Variants in TBCD observed in about 807,000 individuals in gnomAD.
TBCD encodes the protein tubulin folding cofactor D.
In TBCD, 105 loss-of-function variants were observed where a neutral mutation model predicts 169.3. The ratio of observed to expected loss-of-function variants is 0.62; its 90% CI spans 0.53 to 0.73. The LOEUF (loss-of-function observed/expected upper bound fraction) is 0.73. Among genes scored for constraint, TBCD ranks in the 30% least tolerant of loss-of-function variants. The probability of loss-of-function intolerance (pLI) is 0.00; values close to 1 mark genes in which losing one functional copy is unlikely to be tolerated. For missense variants in TBCD, 1,444 were observed against 1,600.1 expected (o/e 0.90, Z 1.66); for synonymous variants, 700 against 643.9 (o/e 1.09, Z -1.32).
rs12600995 is a variant in TBCD at position 82,922,761 on chromosome 17, C to T, written c.2179-891C>T. Among the ~76,000 whole-genome samples, 269 of 152,310 alleles carry T rather than the reference C, an allele frequency of 1.8e-3. No individual in the cohort carries two copies. The East Asian group carries it at 0.034, about 19-fold the overall frequency. The stretch of plus-strand genomic sequence containing the variant: ...TGCTCATGGCCCCCACCTGCCCCGC[C>T]CCCAGTGCCTCTCCAAGGCTGCTCT... On this transcript the variant is annotated intron_variant, in intron 25 of 38. Coordinates refer to ENST00000355528, the MANE Select transcript of TBCD (RefSeq NM_005993.5). The surrounding 1 kb of genome is among the most constrained non-coding windows in gnomAD (Gnocchi z 4.1).
At chr17:82,902,469 A>G (rs1233211720) in intron 18 of TBCD, among the ~76,000 whole-genome samples, 1 of 152,190 alleles carries the variant, frequency 6.6e-6, no homozygotes, top group African/African-American at 2.4e-5. Flanking sequence ...GTTGCAGGCG[A>G]TGGTCTTCTA....
chr17:82,869,441 G>T (rs1305997859), intron 13 of TBCD, among the ~76,000 whole-genome samples: 1 of 152,138 alleles, frequency 6.6e-6, no homozygotes, highest in Non-Finnish European at 1.5e-5. Context: ...GATCGCTTGA[G>T]CCTGGGAGGT....
chr17:82,914,326 C>T lies in TBCD; in HGVS notation c.2038+2537C>T, dbSNP rs112205413. On this transcript the variant is annotated intron_variant, in intron 23 of 38. Coordinates refer to ENST00000355528, the MANE Select transcript of TBCD (RefSeq NM_005993.5). ...TGTCTGCCTCTCTCTACCCCCAACTCCAGCTTTCCCACCCTGCCCTCTGCT... is the reference window on the plus strand; with the variant it reads ...TGTCTGCCTCTCTCTACCCCCAACTTCAGCTTTCCCACCCTGCCCTCTGCT... Among the ~76,000 whole-genome samples the T allele has an allele frequency of 6.9e-3, 1,044 of 152,276 alleles. 19 individuals are homozygous for T. The highest frequency in any genetic ancestry group is 0.023 in the African/African-American group (969 of 41,568).
chr17:82,925,057 G>T lies in TBCD; in HGVS notation c.2379G>T (p.Gln793His). Reference protein sequence around the residue: ...PGFLLKGRLQQVLTGLRAVTH... With the variant: ...PGFLLKGRLQHVLTGLRAVTH... ...TCCTTCTGAAAGGCCGGCTCCAGCA[G>T]GTGAGGCTGGCCACGCGCAGTGGAC... is the stretch of plus-strand genomic sequence containing the variant. The change falls in exon 27 of 39, where the codon CAG becomes CAT. Residue 793 changes from glutamine (Q) to histidine (H), a missense_variant and splice_region_variant. Transcript: ENST00000355528. 1 of 1,552,652 alleles carries T rather than the reference G, an allele frequency of 6.4e-7. No homozygotes were observed.
intron 37 of TBCD, among the ~76,000 whole-genome samples, chr17:82,940,245 A>AAACACACT (rs1491195477): frequency 6.6e-6 from 1 of 150,878 alleles, no homozygotes; most frequent in Non-Finnish European, 1.5e-5. Flanking sequence ...ACACACACAC[A>AAACACACT]CTTCTAAAAG....
intron 2 of TBCD, among the ~76,000 whole-genome samples, chr17:82,763,736 G>T (rs527954942): frequency 2.0e-5 from 3 of 151,742 alleles, no homozygotes; most frequent in Non-Finnish European, 4.4e-5. Flanking sequence ...GCAAGACTCT[G>T]TCTCAAAAAA....
At chr17:82,761,759 A>C (rs529975107) in intron 2 of TBCD, among the ~76,000 whole-genome samples, 1 of 149,702 alleles carries the variant, frequency 6.7e-6, no homozygotes, top group Admixed American at 6.7e-5. Flanking sequence ...TCTGTTGCCC[A>C]GGCTGGAGTG....
rs1285078519 is a variant in TBCD at position 82,903,482 on chromosome 17, G to C, written c.1804+4G>C. The C allele has an allele frequency of 5.7e-6, 9 of 1,591,096 alleles. No homozygotes were observed. Among genetic ancestry groups the C allele is most frequent in the Non-Finnish European group, 7.7e-6 (9 of 1,168,910 alleles). The stretch of plus-strand genomic sequence containing the variant: ...CCCGAGTTCAGCGCCACGCAAGGTG[G>C]GTGTGTGTCCCGGCCGGCCTGCGGG... On this transcript the variant is annotated splice_donor_region_variant and intron_variant, in intron 19 of 38. Coordinates refer to ENST00000355528, the MANE Select transcript of TBCD (RefSeq NM_005993.5). This position sits in a 1 kb window ranked among gnomAD's most constrained non-coding sequence, Gnocchi z 4.8.
intron 13 of TBCD, among the ~76,000 whole-genome samples, chr17:82,865,686 T>C (rs546116183): frequency 3.3e-5 from 5 of 152,266 alleles, no homozygotes; most frequent in Admixed American, 2.6e-4. Context: ...TTTTTAAAAT[T>C]AGTAAAACCT....
Position 82,832,999 on chromosome 17 carries a change from C to CG in TBCD, c.1318+18070dup, listed in dbSNP as rs1247121557. Among the ~76,000 whole-genome samples the CG allele has an allele frequency of 1.3e-5, 2 of 152,114 alleles. No individual in the cohort carries two copies. Among genetic ancestry groups the CG allele is most frequent in the Non-Finnish European group, 2.9e-5 (2 of 68,024 alleles). On this transcript the variant is annotated intron_variant, in intron 13 of 38. Transcript: ENST00000355528. This position sits in a 1 kb window ranked among gnomAD's most constrained non-coding sequence, Gnocchi z 4.9. Reference sequence around the variant, plus strand: ...GGACCTTTCCTCGAAAGCGCCCTGCCGGGGGCTGAGGACACCGAGCCCCCT... The same window carrying CG: ...GGACCTTTCCTCGAAAGCGCCCTGCCGGGGGGCTGAGGACACCGAGCCCCCT...
Position 82,797,739 on chromosome 17 carries a change from C to G in TBCD, c.772-18C>G. The stretch of plus-strand genomic sequence containing the variant: ...TATTTGTATTTGTAACATTAAAAAT[C>G]TTTTTTTTTTTTTTTAGGCACAAAT... On this transcript the variant is annotated intron_variant, in intron 7 of 38. Coordinates refer to ENST00000355528, the MANE Select transcript of TBCD (RefSeq NM_005993.5). 1 of 1,331,590 alleles carries G rather than the reference C, an allele frequency of 7.5e-7. No individual in the cohort carries two copies. Among genetic ancestry groups the G allele is most frequent in the Non-Finnish European group, 1.0e-6 (1 of 989,848 alleles). 82.5% of individuals were successfully genotyped at this position (1,331,590 alleles called of 1,614,324 possible). A position where few individuals can be genotyped will look rare whatever the true frequency, so the allele number is the denominator to read the frequency against.
chr17:82,818,500 C>T lies in TBCD; in HGVS notation c.1318+3566C>T, dbSNP rs535029473. ...TATAGTTGGGAGCCACGTGTGGTGG[C>T]GGTGCCTTTAATCCTAGCCTCTTGG... On this transcript the variant is annotated intron_variant, in intron 13 of 38. Transcript: ENST00000355528. Among the ~76,000 whole-genome samples, 95 of 152,292 alleles carry T rather than the reference C, an allele frequency of 6.2e-4. No homozygotes were observed. In the Middle Eastern group the frequency reaches 0.01, roughly 16 times the overall value.
At chr17:82,900,157 T>TGG in intron 17 of TBCD, among the ~76,000 whole-genome samples, 1 of 152,350 alleles carries the variant, frequency 6.6e-6, no homozygotes, top group East Asian at 1.9e-4. Context: ...GCCATCACCC[T>TGG]GGAGCCCCCC....
rs374654761 is a variant in TBCD, at chr17:82,759,657, A to G, written c.235+3442A>G. ...GTTTTAGAAATATTTAGCTTGTCAA[A>G]CTATCAGTTTCTTTGTGTTTGGCCT... On this transcript the variant is annotated intron_variant, in intron 2 of 38. Transcript: ENST00000355528. Among the ~76,000 whole-genome samples, 8 of 152,060 alleles carry G rather than the reference A, an allele frequency of 5.3e-5. No homozygotes were observed. The East Asian group carries it at 9.7e-4, about 18-fold the overall frequency.
At chr17:82,814,806 T>G (rs1246934809) in intron 12 of TBCD, 34 bp from the exon 13 acceptor site, 2 of 1,609,180 alleles carry the variant, frequency 1.2e-6, no homozygotes, top group South Asian at 1.1e-5. Context: ...AGCTGACACG[T>G]GGGCTGTGGT....
chr17:82,933,074 G>A (rs894367683), intron 34 of TBCD, among the ~76,000 whole-genome samples: 1 of 152,036 alleles, frequency 6.6e-6, no homozygotes, highest in Admixed American at 6.5e-5. Context: ...AAGGGGCCTC[G>A]GCTGTACGGG....
chr17:82,803,990 G>A (rs1221718822), intron 9 of TBCD, among the ~76,000 whole-genome samples: 5 of 128,370 alleles, frequency 3.9e-5, no homozygotes, highest in East Asian at 5.1e-4. Context: ...CCTGTGGGGC[G>A]TTAGGGGAGA....
intron 13 of TBCD, among the ~76,000 whole-genome samples, chr17:82,819,392 G>GCA (rs1041794916): frequency 4.6e-5 from 7 of 152,178 alleles, no homozygotes; most frequent in South Asian, 4.2e-4. Flanking sequence ...CACATACAGT[G>GCA]CACACACACA....
chr17:82,911,863 G>C lies in TBCD; in HGVS notation c.2038+74G>C. Reference sequence around the variant, plus strand: ...TCGTTGAGGGAGGTGTGCTCGTGGCGTGCAGGGCGGCCCATTAGCCCCCAG... The same window carrying C: ...TCGTTGAGGGAGGTGTGCTCGTGGCCTGCAGGGCGGCCCATTAGCCCCCAG... On this transcript the variant is annotated intron_variant, in intron 23 of 38. Coordinates refer to ENST00000355528, the MANE Select transcript of TBCD (RefSeq NM_005993.5). 6.5e-6 allele frequency: 10 copies of C among 1,542,142 alleles called. No homozygotes were observed. In the South Asian group the frequency reaches 1.1e-4, roughly 18 times the overall value.
Sources: allele counts gnomAD v4.1 joint callset (sites outside exome capture counted in the v4.1 genomes callset), GRCh38; gene constraint gnomAD v4.1.1; non-coding constraint Gnocchi (gnomAD v3.1); transcripts MANE v1.5; gene names NCBI Gene and HGNC (gene_info 2026-07-23, HGNC 2026-07-21).